Variants in GPC4 observed in about 807,000 individuals in gnomAD.
The protein encoded by GPC4 is glypican-4.
In GPC4, 10 loss-of-function variants were observed where a neutral mutation model predicts 35.0. That is an observed-to-expected ratio of 0.29 (90% CI 0.18 to 0.48). GPC4 has a LOEUF of 0.48. Among genes scored for constraint, GPC4 ranks in the 20% least tolerant of loss-of-function variants. The pLI, the probability that GPC4 is intolerant of heterozygous loss-of-function variation, is 0.99. For missense variants in GPC4, 322 were observed against 451.3 expected, an observed-to-expected ratio of 0.71 and a Z score of 2.60; for synonymous variants, 167 against 170.2, an observed-to-expected ratio of 0.98 and a Z score of 0.15.
chrX:133,311,976 G>C (rs2068316430), intron 3 of GPC4, among the ~76,000 whole-genome samples: 1 of 111,785 alleles, frequency 8.9e-6, no homozygotes, highest in African/African-American at 3.3e-5. Flanking sequence ...TCTGTGCCAA[G>C]AGCTGTGCAG....
intron 3 of GPC4, 139 bp from the exon 4 acceptor site, chrX:133,311,562 T>G (rs2068314530): frequency 2.4e-5 from 14 of 580,968 alleles, no homozygotes; most frequent in Middle Eastern, 3.2e-4. Context: ...AAGCCTGGAC[T>G]GCCTCCTGAA....
chrX:133,311,402 T>C lies in GPC4; in HGVS notation c.733A>G (p.Thr245Ala). 1 of 1,210,930 alleles carries C rather than the reference T, an allele frequency of 8.3e-7. No individual in the cohort carries two copies. Among genetic ancestry groups the C allele is most frequent in the Non-Finnish European group, 1.1e-6 (1 of 894,918 alleles). The change falls in exon 4 of 9, where the codon ACC becomes GCC. Residue 245 changes from threonine to alanine, a missense_variant. Around this residue, in one of 3 missense-constraint regions of GPC4, gnomAD observed 163 missense variants for 277.2 expected, o/e 0.59. Transcript: ENST00000370828. ...TAGATCATCTTCAACAGGGCATGGG[T>C]ACACTGGGCTGTGGGGTTTACCTAA... ...VSVVNPTAQC[T>A]HALLKMIYCS... is the part of the protein sequence containing the mutation.
chrX:133,387,506 G>GA (rs1336056445), intron 1 of GPC4, among the ~76,000 whole-genome samples: 2 of 109,195 alleles, frequency 1.8e-5, no homozygotes, highest in African/African-American at 3.3e-5. Context: ...GAAGGAAGGA[G>GA]AAAAAAAGAA....
intron 4 of GPC4, among the ~76,000 whole-genome samples, chrX:133,308,283 C>G (rs1415601638): frequency 8.9e-6 from 1 of 111,913 alleles, no homozygotes; most frequent in Non-Finnish European, 1.9e-5. Flanking sequence ...CCTGCCAGGA[C>G]CTGGCTGGTG....
chrX:133,347,857 G>A (rs2068500366), intron 1 of GPC4, among the ~76,000 whole-genome samples: 1 of 111,713 alleles, frequency 9.0e-6, no homozygotes, highest in African/African-American at 3.3e-5. Flanking sequence ...TATGATTTGA[G>A]ATCACCTACT....
chrX:133,380,515 C>T (rs2124166194), intron 1 of GPC4, among the ~76,000 whole-genome samples: 1 of 111,364 alleles, frequency 9.0e-6, no homozygotes, highest in Non-Finnish European at 1.9e-5. Context: ...AAATGATATA[C>T]ATAGAGGAGA....
chrX:133,336,712 T>C (rs1239459039), intron 2 of GPC4, among the ~76,000 whole-genome samples: 2 of 111,283 alleles, frequency 1.8e-5, no homozygotes, highest in South Asian at 3.9e-4. Context: ...TTCCAGTATA[T>C]TGATCTCCAG....
At chrX:133,331,609 T>C (rs1189769791) in intron 2 of GPC4, among the ~76,000 whole-genome samples, 1 of 110,828 alleles carries the variant, frequency 9.0e-6, no homozygotes, top group Non-Finnish European at 1.9e-5. Flanking sequence ...CTGTCTCTAC[T>C]AAAAATACAA....
intron 1 of GPC4, among the ~76,000 whole-genome samples, chrX:133,360,164 G>A (rs1307862125): frequency 2.7e-5 from 3 of 111,201 alleles, no homozygotes; most frequent in Admixed American, 1.9e-4. Context: ...TATACAAAGC[G>A]TGCTAAAAAC....
Position 133,382,521 on chromosome X carries a change from G to A in GPC4, c.160+32285C>T, listed in dbSNP as rs184064699. Among the ~76,000 whole-genome samples, 6 of 107,566 alleles carry A rather than the reference G, an allele frequency of 5.6e-5. No individual in the cohort carries two copies. In the East Asian group the frequency reaches 1.8e-3, roughly 32 times the overall value. 93.4% of individuals were successfully genotyped at this position (107,566 alleles called of 115,157 possible). ...AGGCGGGTGGATCACCAGGTCAGGA[G>A]ATCAAGACCATCCTGGCTAACACGG... On this transcript the variant is annotated intron_variant, in intron 1 of 8. Transcript: ENST00000370828.
intron 3 of GPC4, among the ~76,000 whole-genome samples, chrX:133,314,650 T>C (rs764538256): frequency 2.7e-5 from 3 of 111,351 alleles, no homozygotes; most frequent in Non-Finnish European, 5.7e-5. Flanking sequence ...AAAGGACATA[T>C]AAAATATCAA....
intron 1 of GPC4, among the ~76,000 whole-genome samples, chrX:133,345,582 G>A (rs181997927): frequency 2.6e-4 from 29 of 112,085 alleles, no homozygotes; most frequent in Non-Finnish European, 4.3e-4. Context: ...GGTGGCCAAC[G>A]GTTCAAACCA....
intron 1 of GPC4, among the ~76,000 whole-genome samples, chrX:133,404,430 T>G (rs2068777881): frequency 1.9e-5 from 2 of 106,580 alleles, no homozygotes; most frequent in Non-Finnish European, 3.8e-5. Flanking sequence ...ACCTGTAATC[T>G]CAGCTGCTCA....
intron 3 of GPC4, among the ~76,000 whole-genome samples, chrX:133,312,119 C>T (rs969392753): frequency 9.0e-6 from 1 of 110,942 alleles, no homozygotes; most frequent in Admixed American, 9.6e-5. Flanking sequence ...AGAGGTGGGG[C>T]TTTGGTTAAA....
rs1477612237 is a variant in GPC4, at chrX:133,300,208, A to T, written c.*2659T>A. The T allele has an allele frequency of 8.9e-6, 1 of 112,597 alleles. No homozygotes were observed. Among genetic ancestry groups the T allele is most frequent in the Non-Finnish European group, 1.9e-5 (1 of 53,320 alleles). 9.3% of individuals were successfully genotyped at this position (112,597 alleles called of 1,213,427 possible). A position where few individuals can be genotyped will look rare whatever the true frequency, so the allele number is the denominator to read the frequency against. On this transcript the variant is annotated 3_prime_UTR_variant, in exon 9 of 9. Transcript: ENST00000370828. ...GAACACTCAGTAACTAAACTTTAGAAATTTACGTCAATTCTTCGCAGTGTC... is the reference window on the plus strand; with the variant it reads ...GAACACTCAGTAACTAAACTTTAGATATTTACGTCAATTCTTCGCAGTGTC...
chrX:133,380,814 T>C (rs2068657430), intron 1 of GPC4, among the ~76,000 whole-genome samples: 1 of 112,065 alleles, frequency 8.9e-6, no homozygotes, highest in East Asian at 2.8e-4. Context: ...AATACAGTCC[T>C]GCTAAGATCC....
chrX:133,381,907 T>C (rs889711478), intron 1 of GPC4, among the ~76,000 whole-genome samples: 1 of 111,852 alleles, frequency 8.9e-6, no homozygotes, highest in Non-Finnish European at 1.9e-5. Flanking sequence ...AAATGGCACA[T>C]TTAGTTGATC....
chrX:133,370,464 T>C (rs2068607786), intron 1 of GPC4, among the ~76,000 whole-genome samples: 1 of 112,098 alleles, frequency 8.9e-6, no homozygotes, highest in South Asian at 3.8e-4. Context: ...TTTTGGCTAA[T>C]CTGCATCAAC....
At chrX:133,367,823 G>C (rs1603084173) in intron 1 of GPC4, among the ~76,000 whole-genome samples, 1 of 112,314 alleles carries the variant, frequency 8.9e-6, no homozygotes, top group African/African-American at 3.2e-5. Context: ...AGCCATGATT[G>C]TGCCACTGCA....
Sources: gnomAD v4.1 joint callset for allele counts (sites outside exome capture counted in the v4.1 genomes callset) on GRCh38, gnomAD v4.1.1 for gene constraint, gnomAD v4.1.1 regional missense constraint, MANE v1.5 for transcripts, NCBI Gene and HGNC (gene_info 2026-07-23, HGNC 2026-07-21) for gene names.